MYO3A: variants seen among roughly 807,000 people sequenced by gnomAD.
The protein encoded by MYO3A is myosin-IIIa.
A neutral mutation model predicts 192.7 loss-of-function variants in MYO3A; 180 were observed. That is an observed-to-expected ratio of 0.93 (90% CI 0.83 to 1.06). The LOEUF (loss-of-function observed/expected upper bound fraction) is 1.06. MYO3A is among the 50% of genes least tolerant of loss of function. The pLI is 0.00. For missense variants in MYO3A, 1,896 were observed against 1,905.0 expected, an observed-to-expected ratio of 1.00 and a Z score of 0.09; for synonymous variants, 628 against 645.3, an observed-to-expected ratio of 0.97 and a Z score of 0.41.
At position 26,184,964 on chromosome 10, in the gene MYO3A, G is replaced by A. The variant is rs140824000; in HGVS notation, c.4438+8119G>A. Among the ~76,000 whole-genome samples the A allele has an allele frequency of 6.0e-3, 918 of 152,248 alleles. 2 individuals are homozygous for A. The highest frequency in any genetic ancestry group is 9.5e-3 in the Non-Finnish European group (647 of 68,012). On this transcript the variant is annotated intron_variant, in intron 31 of 34. Transcript: ENST00000642920. Reference sequence around the variant, plus strand: ...TCCATTAGAGGCCAAATAAATGTATGCCTCTCTGAAATATTTGTATGCTGA... The same window carrying A: ...TCCATTAGAGGCCAAATAAATGTATACCTCTCTGAAATATTTGTATGCTGA...
At chr10:26,194,753 A>G (rs911261753) in intron 32 of MYO3A, among the ~76,000 whole-genome samples, 9 of 152,176 alleles carry the variant, frequency 5.9e-5, no homozygotes, top group Non-Finnish European at 1.3e-4. Context: ...CCCATTAGCT[A>G]CTACAACCTC....
intron 14 of MYO3A, among the ~76,000 whole-genome samples, chr10:26,086,203 G>A (rs559771370): frequency 6.6e-6 from 1 of 152,236 alleles, no homozygotes; most frequent in East Asian, 1.9e-4. Flanking sequence ...GGGCAAGCAA[G>A]CACAACAAAG....
intron 17 of MYO3A, among the ~76,000 whole-genome samples, chr10:26,118,757 G>A (rs1240571868): frequency 6.6e-6 from 1 of 151,734 alleles, no homozygotes; most frequent in African/African-American, 2.4e-5. Flanking sequence ...CCAGCCTCCC[G>A]AGTAGCTGGG....
intron 4 of MYO3A, among the ~76,000 whole-genome samples, chr10:25,965,632 T>G (rs151308031): frequency 1.1e-4 from 17 of 152,184 alleles, no homozygotes; most frequent in African/African-American, 3.4e-4. Flanking sequence ...GTAGTCCTCA[T>G]GGCCTAGATT....
intron 19 of MYO3A, among the ~76,000 whole-genome samples, chr10:26,126,831 A>T: frequency 6.6e-6 from 1 of 152,220 alleles, no homozygotes; most frequent in Non-Finnish European, 1.5e-5. Flanking sequence ...CTAAATGGCA[A>T]CTTTCCTTTC....
At chr10:26,160,594 A>G (rs1179295922) in intron 26 of MYO3A, among the ~76,000 whole-genome samples, 2 of 152,046 alleles carry the variant, frequency 1.3e-5, no homozygotes, top group Non-Finnish European at 2.9e-5. Context: ...ACAGGAGGCT[A>G]TGTTCATACC....
intron 26 of MYO3A, among the ~76,000 whole-genome samples, chr10:26,162,074 A>G (rs1365973162): frequency 6.6e-6 from 1 of 152,232 alleles, no homozygotes; most frequent in Admixed American, 6.5e-5. Context: ...CTGCATTATC[A>G]TGCAATGTAA....
intron 10 of MYO3A, among the ~76,000 whole-genome samples, chr10:26,063,941 A>C (rs1411604945): frequency 6.6e-6 from 1 of 152,246 alleles, no homozygotes; most frequent in East Asian, 1.9e-4. Context: ...CTATTTATTG[A>C]GTGCCTACTG....
chr10:26,120,924 G>C, intron 18 of MYO3A, 122 bp downstream of exon 18: 1 of 1,249,204 alleles, frequency 8.0e-7, no homozygotes, highest in Non-Finnish European at 1.1e-6. Context: ...AGAATACTCA[G>C]ATTTAATGTG....
intron 4 of MYO3A, among the ~76,000 whole-genome samples, chr10:25,979,940 C>CA (rs1434528969): frequency 1.3e-5 from 2 of 152,016 alleles, no homozygotes; most frequent in African/African-American, 4.8e-5. Flanking sequence ...AACAAACAAA[C>CA]AAAAAACAAG....
chr10:26,208,253 G>C (rs1844065329), intron 34 of MYO3A, among the ~76,000 whole-genome samples: 1 of 152,096 alleles, frequency 6.6e-6, no homozygotes, highest in Admixed American at 6.5e-5. Context: ...GCATAAGCAG[G>C]TTTTAATTAT....
chr10:26,066,561 A>G (rs1236388270), intron 10 of MYO3A, among the ~76,000 whole-genome samples: 1 of 152,206 alleles, frequency 6.6e-6, no homozygotes, highest in African/African-American at 2.4e-5. Context: ...ATTCCTGTTA[A>G]ATTTTGCTGA....
intron 6 of MYO3A, among the ~76,000 whole-genome samples, chr10:26,002,115 C>G (rs1056310441): frequency 6.6e-6 from 1 of 152,144 alleles, no homozygotes; most frequent in South Asian, 2.1e-4. Context: ...TGGGCATGAG[C>G]TTGGGGAAAA....
At chr10:26,147,992 A>G (rs1840574818) in intron 23 of MYO3A, among the ~76,000 whole-genome samples, 2 of 152,198 alleles carry the variant, frequency 1.3e-5, no homozygotes, top group Admixed American at 6.5e-5. Context: ...AAGTAGAAAA[A>G]ATATAGTTTG....
At chr10:26,025,030 A>T (rs1842478023) in intron 9 of MYO3A, among the ~76,000 whole-genome samples, 1 of 152,216 alleles carries the variant, frequency 6.6e-6, no homozygotes, top group African/African-American at 2.4e-5. Flanking sequence ...AGTACACATT[A>T]AAGATTTGAT....
intron 27 of MYO3A, 72 bp downstream of exon 27, chr10:26,166,250 A>G (rs769547913): frequency 2.7e-5 from 34 of 1,278,182 alleles, no homozygotes; most frequent in Non-Finnish European, 3.8e-5. Context: ...AACATTTTAC[A>G]ATGTTTGAAA....
At chr10:26,149,346 T>C (rs1170234442) in intron 23 of MYO3A, among the ~76,000 whole-genome samples, 2 of 152,132 alleles carry the variant, frequency 1.3e-5, no homozygotes, top group Admixed American at 1.3e-4. Flanking sequence ...GAGATTCTCC[T>C]ACTCCAGCCT....
At chr10:26,018,658 T>C (rs1487947237) in intron 7 of MYO3A, among the ~76,000 whole-genome samples, 1 of 152,150 alleles carries the variant, frequency 6.6e-6, no homozygotes, top group Admixed American at 6.5e-5. Flanking sequence ...TTAGCGACTG[T>C]AGTAGGTGAC....
At position 26,073,460 on chromosome 10, in the gene MYO3A, T is replaced by G. The variant is rs138123156; in HGVS notation, c.1359+3059T>G. On this transcript the variant is annotated intron_variant, in intron 14 of 34. Transcript: ENST00000642920. Reference sequence around the variant, plus strand: ...GGCAGGCGCCTGTAGTCCCAGGTGCTTGGGTGGCTGAGGCAGGAGAATGGC... The same window carrying G: ...GGCAGGCGCCTGTAGTCCCAGGTGCGTGGGTGGCTGAGGCAGGAGAATGGC... Among the ~76,000 whole-genome samples the G allele has an allele frequency of 5.7e-3, 867 of 151,744 alleles. 8 individuals carry two copies. The highest frequency in any genetic ancestry group is 0.02 in the African/African-American group (810 of 41,322).
Sources: gnomAD v4.1 joint callset for allele counts (sites outside exome capture counted in the v4.1 genomes callset) on GRCh38, gnomAD v4.1.1 for gene constraint, MANE v1.5 for transcripts, NCBI Gene and HGNC (gene_info 2026-07-23, HGNC 2026-07-21) for gene names.